SCFD2: variants seen among roughly 807,000 people sequenced by gnomAD.
SCFD2 encodes the protein sec1 family domain-containing protein 2.
SCFD2 carries 54 observed loss-of-function variants against 58.9 expected under a neutral mutation model. The ratio of observed to expected loss-of-function variants is 0.92; its 90% confidence interval spans 0.74 to 1.15. The LOEUF (loss-of-function observed/expected upper bound fraction) is 1.15. Ranked by LOEUF, SCFD2 falls within the 50% of genes most tolerant of loss-of-function variation. The probability of loss-of-function intolerance (pLI) is 0.00; values close to 1 mark genes in which losing one functional copy is unlikely to be tolerated. For synonymous variants in SCFD2, 321 were observed against 335.9 expected (o/e 0.96, Z 0.49); for missense variants, 805 against 836.6 (o/e 0.96, Z 0.47).
chr4:53,197,246 C>A (rs2148963507), intron 4 of SCFD2, among the ~76,000 whole-genome samples: 1 of 152,192 alleles, frequency 6.6e-6, no homozygotes, highest in South Asian at 2.1e-4. Flanking sequence ...ATTTAAGAGG[C>A]CTGAACTGTT....
At chr4:53,156,882 T>C (rs1424897495) in intron 4 of SCFD2, among the ~76,000 whole-genome samples, 1 of 152,272 alleles carries the variant, frequency 6.6e-6, no homozygotes, top group Middle Eastern at 3.2e-3. Flanking sequence ...AGTTGTGTAC[T>C]GAAGTAATCT....
chr4:53,311,273 A>T (rs1732681104), intron 3 of SCFD2, among the ~76,000 whole-genome samples: 1 of 152,178 alleles, frequency 6.6e-6, no homozygotes, highest in Non-Finnish European at 1.5e-5. Flanking sequence ...GAAGTTTGCT[A>T]ACAATCCTCT....
chr4:53,291,024 AATT>A (rs1486214169), intron 3 of SCFD2, among the ~76,000 whole-genome samples: 2 of 152,288 alleles, frequency 1.3e-5, no homozygotes, highest in Admixed American at 6.5e-5. Flanking sequence ...GTCAAGGAAG[AATT>A]ATTACCAATA....
chr4:53,365,878 T>C lies in SCFD2; in HGVS notation c.64A>G (p.Lys22Glu). ...QGWEQVLAKV[K>E]RAVVYLDAAC... Reference sequence around the variant, plus strand: ...GCGTCCAGGTAAACCACAGCCCGTTTCACTTTGGCCAGCACCTGCTCCCAT... The same window carrying C: ...GCGTCCAGGTAAACCACAGCCCGTTCCACTTTGGCCAGCACCTGCTCCCAT... Residue 22 changes from lysine (K) to glutamate (E), a missense_variant, in exon 1 of 9, where the codon AAA becomes GAA. By Grantham distance (56) the Lys-to-Glu change is moderately conservative (BLOSUM62 1). Transcript: ENST00000401642. The surrounding 1 kb of genome is among the most constrained non-coding windows in gnomAD (Gnocchi z 4.3). 4 of 1,607,794 alleles carry C rather than the reference T, an allele frequency of 2.5e-6. No homozygotes were observed. Among genetic ancestry groups the C allele is most frequent in the Non-Finnish European group, 3.4e-6 (4 of 1,178,676 alleles).
At chr4:53,025,619 T>C (rs560426256) in intron 5 of SCFD2, among the ~76,000 whole-genome samples, 5 of 152,326 alleles carry the variant, frequency 3.3e-5, no homozygotes, top group African/African-American at 9.6e-5. Flanking sequence ...ATCTACCGAC[T>C]ATCCAAGAGC....
Position 53,201,296 on chromosome 4 carries a change from T to C in SCFD2, c.1312-55714A>G, listed in dbSNP as rs1365161081. Among the ~76,000 whole-genome samples, 5 of 152,150 alleles carry C rather than the reference T, an allele frequency of 3.3e-5. No individual in the cohort carries two copies. The East Asian group carries it at 9.7e-4, about 30-fold the overall frequency. ...GGTGTTTGGTTTTTTCTCCTTGCCA[T>C]AGTTTGCTGAGAATGGTGGTTTCCA... On this transcript the variant is annotated intron_variant, in intron 4 of 8. Coordinates refer to ENST00000401642, the MANE Select transcript of SCFD2 (RefSeq NM_152540.4).
intron 4 of SCFD2, among the ~76,000 whole-genome samples, chr4:53,172,365 A>C (rs1165325089): frequency 6.6e-6 from 1 of 152,016 alleles, no homozygotes; most frequent in Non-Finnish European, 1.5e-5. Context: ...AATCTTTGTT[A>C]ATTCCTTTCT....
At chr4:53,281,944 T>C (rs1209061713) in intron 3 of SCFD2, among the ~76,000 whole-genome samples, 1 of 152,200 alleles carries the variant, frequency 6.6e-6, no homozygotes, top group Non-Finnish European at 1.5e-5. Context: ...TTTTATTCCA[T>C]AACCATAGTA....
At chr4:53,215,380 G>A (rs915790334) in intron 4 of SCFD2, among the ~76,000 whole-genome samples, 3 of 152,132 alleles carry the variant, frequency 2.0e-5, no homozygotes, top group African/African-American at 7.3e-5. Context: ...TCCCTTGTAA[G>A]TTGGATTCCT....
At chr4:53,237,586 G>T (rs1729679781) in intron 4 of SCFD2, among the ~76,000 whole-genome samples, 1 of 110,272 alleles carries the variant, frequency 9.1e-6, no homozygotes, top group Non-Finnish European at 1.9e-5. Flanking sequence ...TCCCAGTAGG[G>T]GCGGCCGGGC....
At chr4:53,354,371 G>GA (rs564446447) in intron 1 of SCFD2, among the ~76,000 whole-genome samples, 2,720 of 152,324 alleles carry the variant, frequency 0.018, 85 homozygotes, top group African/African-American at 0.062. Flanking sequence ...CACTCCAAGT[G>GA]TGGGGCGCGC....
At chr4:52,943,191 T>C (rs1401703474) in intron 5 of SCFD2, among the ~76,000 whole-genome samples, 1 of 151,930 alleles carries the variant, frequency 6.6e-6, no homozygotes, top group Non-Finnish European at 1.5e-5. Context: ...AAACATCCCA[T>C]ATTAAAGAAA....
At chr4:53,206,328 A>T (rs1171340132) in intron 4 of SCFD2, among the ~76,000 whole-genome samples, 3 of 152,150 alleles carry the variant, frequency 2.0e-5, no homozygotes, top group Admixed American at 6.5e-5. Flanking sequence ...AATAACTAAA[A>T]GTAGAAATTA....
At chr4:53,297,248 T>C (rs1434942895) in intron 3 of SCFD2, among the ~76,000 whole-genome samples, 1 of 152,174 alleles carries the variant, frequency 6.6e-6, no homozygotes, top group Non-Finnish European at 1.5e-5. Context: ...TGTTAAAGTC[T>C]CCCACTATTA....
intron 5 of SCFD2, among the ~76,000 whole-genome samples, chr4:53,092,351 T>C (rs1200041968): frequency 1.3e-5 from 2 of 152,168 alleles, no homozygotes; most frequent in Non-Finnish European, 2.9e-5. Flanking sequence ...TTGAAATGTA[T>C]AATGGTACAG....
intron 7 of SCFD2, among the ~76,000 whole-genome samples, chr4:52,907,066 G>A (rs1038724598): frequency 9.2e-5 from 14 of 152,298 alleles, no homozygotes; most frequent in South Asian, 2.1e-4. Context: ...GAGCAGAGCC[G>A]CTCATCATCC....
At chr4:53,043,569 C>G (rs1050660714) in intron 5 of SCFD2, among the ~76,000 whole-genome samples, 1 of 151,990 alleles carries the variant, frequency 6.6e-6, no homozygotes, top group South Asian at 2.1e-4. Flanking sequence ...TAACAAAACA[C>G]GAGGGTCAGA....
intron 4 of SCFD2, among the ~76,000 whole-genome samples, chr4:53,226,329 T>G (rs1247490814): frequency 6.6e-6 from 1 of 152,108 alleles, no homozygotes; most frequent in Admixed American, 6.6e-5. Context: ...AATTGCTGAA[T>G]TAAAATGTAA....
At chr4:52,950,235 T>C (rs1376006220) in intron 5 of SCFD2, 1 of 152,280 alleles carries the variant, frequency 6.6e-6, no homozygotes, top group African/African-American at 2.4e-5. Flanking sequence ...GAGTTTGTAA[T>C]GCTTGTGGAT....
Sources: allele counts gnomAD v4.1 joint callset (sites outside exome capture counted in the v4.1 genomes callset), GRCh38; gene constraint gnomAD v4.1.1; non-coding constraint Gnocchi (gnomAD v3.1); transcripts MANE v1.5; gene names NCBI Gene and HGNC (gene_info 2026-07-23, HGNC 2026-07-21).